The following CLPB variants were observed in gnomAD, a reference collection of about 807,000 sequenced individuals.
The protein encoded by CLPB is mitochondrial disaggregase.
In CLPB, 40 loss-of-function variants were observed where a neutral mutation model predicts 78.4. The ratio of observed to expected loss-of-function variants is 0.51; its 90% CI spans 0.40 to 0.66. The LOEUF is 0.66. CLPB is among the 30% of genes least tolerant of loss of function. The probability of loss-of-function intolerance (pLI) is 0.00; values close to 1 mark genes in which losing one functional copy is unlikely to be tolerated. For missense variants in CLPB, 780 were observed against 886.9 expected, an observed-to-expected ratio of 0.88 and a Z score of 1.53; for synonymous variants, 333 against 348.0, an observed-to-expected ratio of 0.96 and a Z score of 0.48.
chr11:72,339,418 G>A (rs1384429942), intron 5 of CLPB, among the ~76,000 whole-genome samples: 3 of 152,092 alleles, frequency 2.0e-5, no homozygotes, highest in Non-Finnish European at 4.4e-5. Flanking sequence ...TGAATCCAAG[G>A]GTAATATTAA....
At chr11:72,414,589 A>G (rs143738987) in intron 2 of CLPB, among the ~76,000 whole-genome samples, 1 of 152,340 alleles carries the variant, frequency 6.6e-6, no homozygotes, top group East Asian at 1.9e-4. Context: ...ACAAAACTGA[A>G]GTAACATCTC....
At chr11:72,431,310 G>A (rs923430544) in intron 1 of CLPB, among the ~76,000 whole-genome samples, 7 of 152,196 alleles carry the variant, frequency 4.6e-5, no homozygotes, top group Admixed American at 2.6e-4. Context: ...GGCAGTGGGC[G>A]GATTCATAGC....
Position 72,288,617 on chromosome 11 carries a change from C to T in CLPB, c.*4750G>A, listed in dbSNP as rs1949416877. 6.6e-6 allele frequency: 1 copy of T among 152,208 alleles called. No individual in the cohort carries two copies. Among genetic ancestry groups the T allele is most frequent in the Non-Finnish European group, 1.5e-5 (1 of 68,090 alleles). The allele number at this position is 152,208 out of a possible 1,614,324, so 9.4% of individuals were successfully genotyped here. A position where few individuals can be genotyped will look rare whatever the true frequency, so the allele number is the denominator to read the frequency against. On this transcript the variant is annotated 3_prime_UTR_variant, in exon 16 of 16. Transcript: ENST00000538039. ...GCAAACAAACAATACTTTTCTGTTCCAGAGCCCACTGAGAAGATCTGCACT... is the reference window on the plus strand; with the variant it reads ...GCAAACAAACAATACTTTTCTGTTCTAGAGCCCACTGAGAAGATCTGCACT...
chr11:72,399,412 T>C (rs1180630743), intron 3 of CLPB, among the ~76,000 whole-genome samples: 1 of 152,336 alleles, frequency 6.6e-6, no homozygotes, highest in East Asian at 1.9e-4. Context: ...CCTGTGTATA[T>C]TTATATTTGT....
In CLPB at chr11:72,434,085, A is replaced by C; in HGVS notation, c.390T>G (p.Ser130Arg). 1 of 1,610,556 alleles carries C rather than the reference A, an allele frequency of 6.2e-7. No homozygotes were observed. Among genetic ancestry groups the C allele is most frequent in the Non-Finnish European group, 8.5e-7 (1 of 1,179,930 alleles). Residue 130 changes from serine to arginine, a missense_variant, in exon 1 of 16, where the codon AGT becomes AGG. By Grantham distance (110) the Ser-to-Arg change is moderately radical (BLOSUM62 -1). Coordinates refer to ENST00000538039, the MANE Select transcript of CLPB (RefSeq NM_001258392.3). ...AALVVHCYSK[S>R]PSNKDAALLE... ...TCTCATAATCACCCTTGTTGGACGGACTCTTGCTGTAGCAATGAACCACCA... is the reference window on the plus strand; with the variant it reads ...TCTCATAATCACCCTTGTTGGACGGCCTCTTGCTGTAGCAATGAACCACCA...
chr11:72,410,486 A>T (rs17162146), intron 2 of CLPB, among the ~76,000 whole-genome samples: 9 of 152,204 alleles, frequency 5.9e-5, no homozygotes, highest in Non-Finnish European at 1.0e-4. Context: ...GCAATAAAGC[A>T]CTGTACAAAA....
intron 12 of CLPB, among the ~76,000 whole-genome samples, chr11:72,295,039 T>A (rs1949525383): frequency 1.3e-5 from 2 of 152,222 alleles, no homozygotes; most frequent in South Asian, 4.1e-4. Flanking sequence ...CACAGCTTCC[T>A]GCCGGATGTG....
intron 2 of CLPB, chr11:72,429,213 A>C (rs1359758440): frequency 6.6e-6 from 1 of 152,246 alleles, no homozygotes; most frequent in African/African-American, 2.4e-5. Context: ...CATGTTTATT[A>C]AACTATTGCT....
At chr11:72,413,413 C>A (rs1391868287) in intron 2 of CLPB, among the ~76,000 whole-genome samples, 1 of 151,852 alleles carries the variant, frequency 6.6e-6, no homozygotes, top group Non-Finnish European at 1.5e-5. Context: ...CATGTGAGAA[C>A]TAATTTCAGA....
intron 3 of CLPB, among the ~76,000 whole-genome samples, chr11:72,400,694 G>C (rs1193345084): frequency 1.3e-5 from 2 of 152,174 alleles, no homozygotes; most frequent in Non-Finnish European, 2.9e-5. Flanking sequence ...CAGCGGTGTA[G>C]AATAACACAT....
chr11:72,433,411 G>A (rs1460935520), intron 1 of CLPB, among the ~76,000 whole-genome samples: 11 of 151,996 alleles, frequency 7.2e-5, no homozygotes, highest in African/African-American at 2.4e-4. Flanking sequence ...GTGGTGGCCC[G>A]CACCTGTAGT....
chr11:72,298,021 C>CG (rs1949587884), intron 11 of CLPB, among the ~76,000 whole-genome samples: 1 of 152,120 alleles, frequency 6.6e-6, no homozygotes, highest in Admixed American at 6.6e-5. Context: ...ACAACCAGAG[C>CG]GTGCACATCT....
At chr11:72,411,375 C>T (rs1324592190) in intron 2 of CLPB, among the ~76,000 whole-genome samples, 1 of 152,230 alleles carries the variant, frequency 6.6e-6, no homozygotes, top group Non-Finnish European at 1.5e-5. Context: ...GGCCTAGGGG[C>T]TACAGGTCAC....
At chr11:72,382,695 G>C (rs1358146364) in intron 3 of CLPB, among the ~76,000 whole-genome samples, 1 of 152,144 alleles carries the variant, frequency 6.6e-6, no homozygotes, top group African/African-American at 2.4e-5. Flanking sequence ...AGAATCTCTG[G>C]ACAGGCTGAA....
At chr11:72,364,778 C>T (rs1280140600) in intron 4 of CLPB, among the ~76,000 whole-genome samples, 1 of 152,114 alleles carries the variant, frequency 6.6e-6, no homozygotes, top group Non-Finnish European at 1.5e-5. Flanking sequence ...ATTAGAAAGA[C>T]CATGGGGGCT....
intron 4 of CLPB, among the ~76,000 whole-genome samples, chr11:72,363,104 C>T (rs183987047): frequency 6.6e-5 from 10 of 151,096 alleles, no homozygotes; most frequent in Admixed American, 6.6e-4. Context: ...TGCAGTGAGC[C>T]GAGATCACGC....
At chr11:72,366,414 A>T (rs937037691) in intron 4 of CLPB, among the ~76,000 whole-genome samples, 2 of 151,904 alleles carry the variant, frequency 1.3e-5, no homozygotes, top group Non-Finnish European at 2.9e-5. Flanking sequence ...TGTTTTCTAA[A>T]ACAGGGTTTC....
chr11:72,419,549 G>GCC (rs1856127201), intron 2 of CLPB, among the ~76,000 whole-genome samples: 1 of 152,226 alleles, frequency 6.6e-6, no homozygotes, highest in African/African-American at 2.4e-5. Context: ...GGCCTCTGAT[G>GCC]CCCTGTAGGG....
At chr11:72,356,398 C>G (rs1233658206) in intron 5 of CLPB, among the ~76,000 whole-genome samples, 2 of 151,784 alleles carry the variant, frequency 1.3e-5, no homozygotes, top group Non-Finnish European at 2.9e-5. Flanking sequence ...TTACTGGCAA[C>G]AGCCCCTAGA....
Sources: gnomAD v4.1 joint callset for allele counts (sites outside exome capture counted in the v4.1 genomes callset) on GRCh38, gnomAD v4.1.1 for gene constraint, MANE v1.5 for transcripts, NCBI Gene and HGNC (gene_info 2026-07-23, HGNC 2026-07-21) for gene names.